The following DZANK1 variants were observed in gnomAD, a reference collection of about 807,000 sequenced individuals.
DZANK1 encodes double zinc ribbon and ankyrin repeat domains 1.
DZANK1 carries 91 observed loss-of-function variants against 94.5 expected under a neutral mutation model. The ratio of observed to expected loss-of-function variants is 0.96; its 90% confidence interval spans 0.81 to 1.15. DZANK1 has a LOEUF of 1.15. DZANK1 is among the 50% of genes most tolerant of loss of function. The pLI is 0.00. For synonymous variants in DZANK1, 312 were observed against 325.3 expected (o/e 0.96, Z 0.44); for missense variants, 903 against 916.4 (o/e 0.99, Z 0.19).
chr20:18,411,014 C>G lies in DZANK1; in HGVS notation c.1432+1632G>C, dbSNP rs540743741. On this transcript the variant is annotated intron_variant, in intron 13 of 20. Coordinates refer to ENST00000262547, the Ensembl canonical transcript of DZANK1. ...TATGGGACGCAGTGAAAGCAAAGCTCAAACAGAAATTTATAGCAGCAAATG... is the reference window on the plus strand; with the variant it reads ...TATGGGACGCAGTGAAAGCAAAGCTGAAACAGAAATTTATAGCAGCAAATG... Among the ~76,000 whole-genome samples, 238 of 152,238 alleles carry G rather than the reference C, an allele frequency of 1.6e-3. 1 individual carries two copies. Among genetic ancestry groups the G allele is most frequent in the Non-Finnish European group, 3.0e-3 (204 of 68,008 alleles).
intron 16 of DZANK1, 63 bp downstream of exon 16, chr20:18,394,191 T>C (rs534643816): frequency 4.2e-6 from 6 of 1,433,748 alleles, no homozygotes; most frequent in African/African-American, 1.4e-5. Context: ...TTCTCTGCTA[T>C]ACCTGCCAAG....
exon 17 of DZANK1, chr20:18,393,772 T>G (rs1243035257): frequency 6.2e-7 from 1 of 1,613,528 alleles, no homozygotes; most frequent in Admixed American, 1.7e-5. Context: ...CCTTTTGATT[T>G]TTTCAATAGT....
intron 14 of DZANK1, among the ~76,000 whole-genome samples, chr20:18,397,140 A>G (rs1265400261): frequency 6.6e-6 from 1 of 152,256 alleles, no homozygotes; most frequent in Non-Finnish European, 1.5e-5. Flanking sequence ...CTGTGATCCA[A>G]TAAAATTTTA....
intron 18 of DZANK1, 138 bp downstream of exon 18, chr20:18,390,241 C>A: frequency 5.4e-6 from 4 of 741,650 alleles, no homozygotes; most frequent in South Asian, 3.5e-5. Context: ...TTTGACTAGC[C>A]ATTCACTATA....
chr20:18,394,201 G>C, intron 16 of DZANK1, 53 bp downstream of exon 16: 1 of 1,503,374 alleles, frequency 6.7e-7, no homozygotes, highest in African/African-American at 1.4e-5. Context: ...TACCTGCCAA[G>C]TCCATGTGTT....
At chr20:18,436,489 C>G (rs2058530468) in intron 8 of DZANK1, among the ~76,000 whole-genome samples, 1 of 150,896 alleles carries the variant, frequency 6.6e-6, no homozygotes, top group Non-Finnish European at 1.5e-5. Context: ...CAGCAGATCG[C>G]ATAACAGAAG....
intron 3 of DZANK1, among the ~76,000 whole-genome samples, chr20:18,458,861 T>C (rs1254207991): frequency 6.6e-6 from 1 of 152,182 alleles, no homozygotes; most frequent in African/African-American, 2.4e-5. Flanking sequence ...GGCCCTTCCT[T>C]GGGGAACCAG....
Position 18,455,342 on chromosome 20 carries a change from T to C in DZANK1, c.283A>G (p.Ile95Val), listed in dbSNP as rs376484621. The C allele has an allele frequency of 3.3e-5, 53 of 1,605,474 alleles. No individual in the cohort carries two copies. In the East Asian group the frequency reaches 6.9e-4, roughly 21 times the overall value. ...TCTACGTGAAACACCTTTGTCACAA[T>C]GCCACTCTGTCTGCAGTCTCTGAAA... The change falls in exon 4 of 21, where the codon ATT (isoleucine) becomes GTT (valine). Residue 95 changes from isoleucine (I) to valine (V), a missense_variant. Ile to Val is a conservative substitution (Grantham distance 29, BLOSUM62 3). Transcript: ENST00000262547.
At chr20:18,403,016 G>A (rs2056763986) in intron 13 of DZANK1, among the ~76,000 whole-genome samples, 1 of 152,162 alleles carries the variant, frequency 6.6e-6, no homozygotes, top group African/African-American at 2.4e-5. Context: ...ACTCCATATA[G>A]GTGCAGATGA....
At chr20:18,421,952 G>A (rs1022963556) in intron 10 of DZANK1, among the ~76,000 whole-genome samples, 1 of 152,082 alleles carries the variant, frequency 6.6e-6, no homozygotes, top group Admixed American at 6.6e-5. Flanking sequence ...TATATGTACT[G>A]GATATTAATC....
At chr20:18,455,062 T>A (rs992355920) in intron 4 of DZANK1, among the ~76,000 whole-genome samples, 185 bp downstream of exon 4, 2 of 152,102 alleles carry the variant, frequency 1.3e-5, no homozygotes, top group Non-Finnish European at 2.9e-5. Flanking sequence ...ATCTTCAGGG[T>A]GGATAGGAGA....
At chr20:18,409,826 TC>T (rs1209019562) in intron 13 of DZANK1, among the ~76,000 whole-genome samples, 1 of 152,016 alleles carries the variant, frequency 6.6e-6, no homozygotes, top group African/African-American at 2.4e-5. Context: ...TCCTAGCACT[TC>T]GGGAGGCCAA....
In DZANK1 at chr20:18,412,783, C is replaced by T. The variant is rs758915443; in HGVS notation, c.1295G>A (p.Gly432Glu). ...GTAGAAGAGGCCAACAGTCTGTGTT[C>T]CTATGTCCCTCTTAGTCCCAACATC... is the stretch of plus-strand genomic sequence containing the variant. Residue 432 changes from glycine to glutamate, a missense_variant, in exon 13 of 21, where the codon GGA (glycine) becomes GAA (glutamate). Coordinates refer to ENST00000262547, the Ensembl canonical transcript of DZANK1. 1.7e-5 allele frequency: 28 copies of T among 1,613,800 alleles called. No individual in the cohort carries two copies. Among genetic ancestry groups the T allele is most frequent in the Non-Finnish European group, 2.4e-5 (28 of 1,179,868 alleles).
chr20:18,388,926 C>T (rs772730225), intron 19 of DZANK1, among the ~76,000 whole-genome samples: 3 of 152,190 alleles, frequency 2.0e-5, no homozygotes, highest in Non-Finnish European at 4.4e-5. Flanking sequence ...GAATGTTCCA[C>T]TGACACGGAC....
chr20:18,394,332 C>T, exon 16 of DZANK1: 1 of 1,613,690 alleles, frequency 6.2e-7, no homozygotes, highest in Non-Finnish European at 8.5e-7. Context: ...AAATTCACTG[C>T]CTTGTTCAGG....
intron 17 of DZANK1, among the ~76,000 whole-genome samples, chr20:18,391,190 CAAAA>C (rs931530754): frequency 6.6e-6 from 1 of 151,690 alleles, no homozygotes; most frequent in Non-Finnish European, 1.5e-5. Context: ...GACTCTGTCT[CAAAA>C]AACAAAACAA....
chr20:18,431,338 C>T (rs903931475), intron 9 of DZANK1, among the ~76,000 whole-genome samples: 8 of 152,120 alleles, frequency 5.3e-5, no homozygotes, highest in Non-Finnish European at 7.4e-5. Context: ...GAAGGAAGAG[C>T]GCAGATGGTG....
chr20:18,421,867 C>T (rs2057797427), intron 10 of DZANK1, among the ~76,000 whole-genome samples: 1 of 152,134 alleles, frequency 6.6e-6, no homozygotes, highest in South Asian at 2.1e-4. Context: ...CTAGCAGAAG[C>T]CATGCAGGAC....
chr20:18,433,506 C>A, intron 9 of DZANK1, 146 bp downstream of exon 9: 1 of 658,270 alleles, frequency 1.5e-6, no homozygotes, highest in Non-Finnish European at 2.6e-6. Context: ...TGCGCTACTG[C>A]ACTCCAGCCT....
Sources: gnomAD v4.1 joint callset for allele counts (sites outside exome capture counted in the v4.1 genomes callset) on GRCh38, gnomAD v4.1.1 for gene constraint, MANE v1.5 for transcripts, NCBI Gene and HGNC (gene_info 2026-07-23, HGNC 2026-07-21) for gene names.